Variants in CAMTA1 observed in about 807,000 individuals in gnomAD.
CAMTA1 encodes calmodulin-binding transcription activator 1.
CAMTA1 carries 27 observed loss-of-function variants against 170.9 expected under a neutral mutation model. That is an observed-to-expected ratio of 0.16 (90% confidence interval 0.12 to 0.22). CAMTA1 has a LOEUF of 0.22. Among genes scored for constraint, CAMTA1 ranks in the 10% least tolerant of loss-of-function variants. The probability of loss-of-function intolerance (pLI) is 1.00; values close to 1 mark genes in which losing one functional copy is unlikely to be tolerated. For synonymous variants in CAMTA1, 833 were observed against 891.5 expected, an observed-to-expected ratio of 0.93 and a Z score of 1.17; for missense variants, 1,619 against 2,217.2, an observed-to-expected ratio of 0.73 and a Z score of 5.42.
At position 7,751,282 on chromosome 1, in the gene CAMTA1, G is replaced by A. The variant is rs2096895513; in HGVS notation, c.4773G>A (p.Gln1591=). The A allele has an allele frequency of 1.9e-6, 3 of 1,612,104 alleles. No individual in the cohort carries two copies. The South Asian group carries it at 3.3e-5, about 18-fold the overall frequency. The change falls in exon 20 of 23, where the codon CAG becomes CAA. Residue 1591 remains glutamine (Q), a synonymous_variant. Transcript: ENST00000303635. ...FRSYYEQKKF[Q]QSRRAAVLIQ... is the part of the protein sequence containing the mutation. ...GTTACTATGAACAAAAAAAATTCCAGCAGAGCCGACGGGCTGCTGTGCTCA... is the reference window on the plus strand; with the variant it reads ...GTTACTATGAACAAAAAAAATTCCAACAGAGCCGACGGGCTGCTGTGCTCA...
At chr1:7,162,473 T>G (rs1466935481) in intron 4 of CAMTA1, among the ~76,000 whole-genome samples, 1 of 151,938 alleles carries the variant, frequency 6.6e-6, no homozygotes, top group African/African-American at 2.4e-5. Context: ...CCCCAGCCCC[T>G]CCAGCCCAGG....
intron 4 of CAMTA1, among the ~76,000 whole-genome samples, chr1:7,096,853 G>C (rs1220294317): frequency 1.3e-5 from 2 of 152,160 alleles, no homozygotes; most frequent in Non-Finnish European, 2.9e-5. Context: ...GGGAGCCTCA[G>C]ATACTTCCTG....
At chr1:7,499,966 G>T (rs115862277) in intron 6 of CAMTA1, among the ~76,000 whole-genome samples, 11,933 of 144,418 alleles carry the variant, frequency 0.083, 1,040 homozygotes, top group Middle Eastern at 0.14. Context: ...GACTGTGTGA[G>T]CCTGGTGTGC....
At chr1:6,881,018 G>A (rs1347960126) in intron 3 of CAMTA1, among the ~76,000 whole-genome samples, 1 of 152,056 alleles carries the variant, frequency 6.6e-6, no homozygotes, top group East Asian at 1.9e-4. Flanking sequence ...AGAATACTGA[G>A]GAAGTAGCTG....
At chr1:6,975,581 A>G (rs140563709) in intron 3 of CAMTA1, among the ~76,000 whole-genome samples, 1 of 152,232 alleles carries the variant, frequency 6.6e-6, no homozygotes, top group South Asian at 2.1e-4. Context: ...GTTCAAGCTG[A>G]TGGGGAGCGT....
intron 3 of CAMTA1, among the ~76,000 whole-genome samples, chr1:6,995,147 A>T (rs1696996367): frequency 1.3e-5 from 2 of 151,472 alleles, no homozygotes; most frequent in South Asian, 4.2e-4. Flanking sequence ...AGGCTTGTTC[A>T]TGTTTTTCAA....
chr1:7,434,893 A>T (rs930328618), intron 5 of CAMTA1, among the ~76,000 whole-genome samples: 8 of 151,746 alleles, frequency 5.3e-5, no homozygotes, highest in Non-Finnish European at 1.0e-4. Context: ...AAAAAAAAAA[A>T]ATACAGAAAT....
In CAMTA1 at chr1:7,665,085, G is replaced by T; in HGVS notation, c.2538G>T (p.Met846Ile). The change falls in exon 9 of 23, where the codon ATG becomes ATT. Residue 846 changes from methionine (M) to isoleucine (I), a missense_variant. Physicochemically the swap from Met to Ile is conservative, Grantham distance 10. Around this residue, in one of 8 missense-constraint regions of CAMTA1, gnomAD observed 731 missense variants for 907.6 expected, o/e 0.81. Transcript: ENST00000303635. The surrounding 1 kb of genome is among the most constrained non-coding windows in gnomAD (Gnocchi z 4.3). ...SEGGASTMAYMHVAEVVSAAS... is the reference protein window; with the variant it reads ...SEGGASTMAYIHVAEVVSAAS... ...GCGGGGCCAGCACCATGGCCTACAT[G>T]CACGTCGCCGAGGTGGTCTCGGCCG... The T allele has an allele frequency of 6.4e-7, 1 of 1,550,844 alleles. No homozygotes were observed. The highest frequency in any genetic ancestry group is 1.4e-5 in the African/African-American group (1 of 73,318).
At chr1:7,743,099 C>T (rs978075888) in intron 16 of CAMTA1, among the ~76,000 whole-genome samples, 4 of 152,292 alleles carry the variant, frequency 2.6e-5, no homozygotes, top group African/African-American at 4.8e-5. Context: ...GCGATCCACC[C>T]GCCTCGGCCT....
At chr1:7,171,686 C>T (rs116034299) in intron 4 of CAMTA1, among the ~76,000 whole-genome samples, 1,601 of 152,288 alleles carry the variant, frequency 0.011, 14 homozygotes, top group Non-Finnish European at 0.015. Flanking sequence ...CACGATGTTG[C>T]GCAGTCACTG....
At chr1:7,003,211 C>G (rs781667086) in intron 3 of CAMTA1, among the ~76,000 whole-genome samples, 1 of 152,198 alleles carries the variant, frequency 6.6e-6, no homozygotes, top group Non-Finnish European at 1.5e-5. Context: ...TGGTTGCAAA[C>G]CACTGGTCTA....
intron 3 of CAMTA1, among the ~76,000 whole-genome samples, chr1:6,832,527 T>C (rs1221077761): frequency 5.3e-5 from 8 of 152,214 alleles, no homozygotes; most frequent in African/African-American, 7.2e-5. Flanking sequence ...CTAGTGTATT[T>C]ATATGTTATC....
At chr1:7,398,609 A>G (rs1230994982) in intron 5 of CAMTA1, among the ~76,000 whole-genome samples, 1 of 152,082 alleles carries the variant, frequency 6.6e-6, no homozygotes, top group Admixed American at 6.5e-5. Flanking sequence ...CATTGAATTT[A>G]TTCCATAAGT....
At chr1:7,416,589 G>A (rs570667673) in intron 5 of CAMTA1, among the ~76,000 whole-genome samples, 8 of 152,120 alleles carry the variant, frequency 5.3e-5, no homozygotes, top group South Asian at 2.1e-4. Flanking sequence ...CGTAGTTCTC[G>A]AGCCTTGGCT....
chr1:7,380,892 C>G (rs373674595), intron 5 of CAMTA1, among the ~76,000 whole-genome samples: 2 of 152,136 alleles, frequency 1.3e-5, no homozygotes, highest in African/African-American at 2.4e-5. Context: ...GCAGTGGCCA[C>G]GGGACAATGA....
At chr1:6,921,064 T>C (rs115969283) in intron 3 of CAMTA1, among the ~76,000 whole-genome samples, 5,461 of 152,328 alleles carry the variant, frequency 0.036, 306 homozygotes, top group African/African-American at 0.12. Context: ...GGGATTTTCT[T>C]TTCAATTGCA....
intron 4 of CAMTA1, among the ~76,000 whole-genome samples, chr1:7,178,653 A>G (rs1162615716): frequency 6.6e-6 from 1 of 151,742 alleles, no homozygotes; most frequent in African/African-American, 2.4e-5. Flanking sequence ...TGCAGAAGGA[A>G]CTCTCACCCT....
At chr1:7,082,440 A>AATATATAGATAG (rs1640144768) in intron 3 of CAMTA1, among the ~76,000 whole-genome samples, 1 of 142,208 alleles carries the variant, frequency 7.0e-6, no homozygotes, top group Non-Finnish European at 1.5e-5. Flanking sequence ...TGCATCTCGA[A>AATATATAGATAG]ATAGATAGAT....
intron 4 of CAMTA1, among the ~76,000 whole-genome samples, chr1:7,134,180 A>G (rs1645417103): frequency 6.6e-6 from 1 of 152,222 alleles, no homozygotes; most frequent in African/African-American, 2.4e-5. Context: ...ATTAATTCAC[A>G]TAGGATTATG....
Sources: gnomAD v4.1 joint callset for allele counts (sites outside exome capture counted in the v4.1 genomes callset) on GRCh38, gnomAD v4.1.1 for gene constraint, gnomAD v4.1.1 regional missense constraint, Gnocchi (gnomAD v3.1) non-coding constraint, MANE v1.5 for transcripts, NCBI Gene and HGNC (gene_info 2026-07-23, HGNC 2026-07-21) for gene names.